The following NXF3 variants were observed in gnomAD, a reference collection of about 807,000 sequenced individuals.
The protein encoded by NXF3 is TAP-like protein 3.
A neutral mutation model predicts 48.4 loss-of-function variants in NXF3; 34 were observed. The observed-to-expected ratio is 0.70, with a 90% CI of 0.53 to 0.93. The LOEUF (loss-of-function observed/expected upper bound fraction) is 0.93, where lower values mean the gene tolerates loss of function less well. Ranked by LOEUF, NXF3 falls within the 40% of genes least tolerant of loss-of-function variation. NXF3 has a pLI of 0.00. For missense variants in NXF3, 359 were observed against 406.1 expected, an observed-to-expected ratio of 0.88 and a Z score of 1.00; for synonymous variants, 132 against 145.7, an observed-to-expected ratio of 0.91 and a Z score of 0.68.
At chrX:103,091,786 C>A (rs1450769983) in intron 1 of NXF3, among the ~76,000 whole-genome samples, 1 of 109,733 alleles carries the variant, frequency 9.1e-6, no homozygotes, top group Non-Finnish European at 1.9e-5. Flanking sequence ...GAGATCGAGA[C>A]CATCCTGGCT....
At position 103,079,236 on chromosome X, in the gene NXF3, C is replaced by T. The variant is rs751182875; in HGVS notation, c.1363G>A (p.Gly455Arg). The T allele has an allele frequency of 3.3e-6, 4 of 1,211,368 alleles. No individual in the cohort carries two copies. Among genetic ancestry groups the T allele is most frequent in the East Asian group, 3.0e-5 (1 of 33,803 alleles). The change falls in exon 16 of 20, where the codon GGG becomes AGG. Residue 455 changes from glycine to arginine, a missense_variant. Gly to Arg is a moderately radical substitution (Grantham distance 125). Transcript: ENST00000395065. ...AGACACTCACCTTCCTTGAACACCCCGTTGACAGAAAAGCAGAGCATCCAT... is the reference window on the plus strand; with the variant it reads ...AGACACTCACCTTCCTTGAACACCCTGTTGACAGAAAAGCAGAGCATCCAT... Reference protein sequence around the residue: ...TEWMLCFSVNGVFKEVEGQSQ... With the variant: ...TEWMLCFSVNRVFKEVEGQSQ...
chrX:103,082,944 C>A (rs1922052251), intron 7 of NXF3, 60 bp downstream of exon 7: 4 of 1,151,214 alleles, frequency 3.5e-6, no homozygotes, highest in Non-Finnish European at 4.7e-6. Flanking sequence ...AACCGTAAGT[C>A]TCCATCTCAC....
intron 1 of NXF3, among the ~76,000 whole-genome samples, chrX:103,091,452 T>C (rs998315070): frequency 2.7e-5 from 3 of 111,482 alleles, no homozygotes; most frequent in African/African-American, 6.5e-5. Flanking sequence ...AGCATTTACA[T>C]TCCATTAGGT....
intron 17 of NXF3, among the ~76,000 whole-genome samples, chrX:103,078,096 G>C (rs7053839): frequency 0.013 from 1,433 of 111,770 alleles, 31 homozygotes; most frequent in African/African-American, 0.045. Context: ...AGTGAGTATT[G>C]CATCAGGAAA....
chrX:103,079,934 C>G, intron 12 of NXF3, 64 bp from the exon 13 acceptor site: 1 of 1,190,799 alleles, frequency 8.4e-7, no homozygotes, highest in Non-Finnish European at 1.1e-6. Context: ...TCTTGAAAGT[C>G]TGACTGTAGG....
intron 16 of NXF3, among the ~76,000 whole-genome samples, chrX:103,079,019 C>T (rs1233005658): frequency 8.9e-6 from 1 of 112,320 alleles, no homozygotes; most frequent in East Asian, 2.8e-4. Flanking sequence ...GCTTAACGCA[C>T]GCCTGAGCTG....
At chrX:103,087,691 C>T (rs1922187074) in intron 1 of NXF3, 6 of 1,049,397 alleles carry the variant, frequency 5.7e-6, no homozygotes, top group Non-Finnish European at 8.0e-6. Flanking sequence ...CAATCTGTGG[C>T]AAGATGTTTC....
intron 1 of NXF3, chrX:103,087,766 C>G (rs1290328836): frequency 1.1e-6 from 1 of 939,885 alleles, no homozygotes. Context: ...TTAAATGTCT[C>G]TCGTGTAGTA....
At chrX:103,077,243 CT>C (rs34811257) in intron 18 of NXF3, among the ~76,000 whole-genome samples, 17,345 of 62,578 alleles carry the variant, frequency 0.28, 3,100 homozygotes, top group African/African-American at 0.53. Flanking sequence ...GCACTCACTT[CT>C]TTTTTTTTTT....
intron 1 of NXF3, among the ~76,000 whole-genome samples, chrX:103,089,867 CTA>C (rs944312923): frequency 8.2e-5 from 9 of 109,454 alleles, no homozygotes; most frequent in Non-Finnish European, 1.3e-4. Context: ...ATTTTTAGGA[CTA>C]TGTGGTAATT....
intron 5 of NXF3, 26 bp from the exon 6 acceptor site, chrX:103,083,299 G>A (rs1922063446): frequency 1.7e-6 from 2 of 1,191,929 alleles, no homozygotes; most frequent in Non-Finnish European, 1.1e-6. Flanking sequence ...GAGGGGCTGA[G>A]TAAACACTAG....
At position 103,077,743 on chromosome X, in the gene NXF3, C is replaced by G; in HGVS notation, c.1455G>C (p.Leu485=). ...CAAAGAGCTTGTCATTCACGATGCA[C>G]AGACTGGAGGAAAAATGGGCCATCA... The part of the protein sequence containing the change: ...FIATPGSSSS[L]CIVNDKLFVR... The change falls in exon 18 of 20, where the codon CTG becomes CTC. Residue 485 remains leucine, a synonymous_variant. Coordinates refer to ENST00000395065, the MANE Select transcript of NXF3 (RefSeq NM_022052.2). 7 of 1,210,400 alleles carry G rather than the reference C, an allele frequency of 5.8e-6. No individual in the cohort carries two copies. The highest frequency in any genetic ancestry group is 7.8e-6 in the Non-Finnish European group (7 of 894,721).
chrX:103,082,694 C>A (rs1922045736), intron 8 of NXF3, 66 bp downstream of exon 8: 13 of 901,407 alleles, frequency 1.4e-5, no homozygotes, highest in South Asian at 8.2e-5. Context: ...TATCTTAGAC[C>A]AATTAGCCTC....
Position 103,092,990 on chromosome X carries a change from A to C in NXF3, c.28+6T>G. On this transcript the variant is annotated splice_donor_region_variant and intron_variant, in intron 1 of 19. Coordinates refer to ENST00000395065, the MANE Select transcript of NXF3 (RefSeq NM_022052.2). ...TGAGACTCCAGCCTCATGCTGGCCA[A>C]CTCACCCGTAGTGTGTCCTGAAGGC... The C allele has an allele frequency of 8.3e-7, 1 of 1,208,737 alleles. No homozygotes were observed. The highest frequency in any genetic ancestry group is 1.1e-6 in the Non-Finnish European group (1 of 893,366).
At chrX:103,091,494 G>A (rs979446758) in intron 1 of NXF3, among the ~76,000 whole-genome samples, 3 of 110,215 alleles carry the variant, frequency 2.7e-5, no homozygotes, top group African/African-American at 9.9e-5. Context: ...GCAGGAGGAT[G>A]TGCGCTGGTT....
chrX:103,080,356 T>C, intron 10 of NXF3, 140 bp from the exon 11 acceptor site: 1 of 687,890 alleles, frequency 1.5e-6, no homozygotes, highest in Non-Finnish European at 2.2e-6. Context: ...AAGACTACAG[T>C]CGGGATTGCC....
At position 103,080,608 on chromosome X, in the gene NXF3, T is replaced by C. The variant is rs1292585191; in HGVS notation, c.895A>G (p.Ile299Val). ...AATAATTTGGGGAACAATTCCAGGA[T>C]GGAGCTGCCGAAAATCAAAACAAAA... ...FSDTSSNINS[I>V]LELFPKLLCL... is the part of the protein sequence containing the mutation. The change falls in exon 10 of 20, where the codon ATC becomes GTC. Residue 299 changes from isoleucine to valine, a missense_variant. By Grantham distance (29) the Ile-to-Val change is conservative. Transcript: ENST00000395065. 1.7e-6 allele frequency: 2 copies of C among 1,209,498 alleles called. No individual in the cohort carries two copies. Among genetic ancestry groups the C allele is most frequent in the Non-Finnish European group, 2.2e-6 (2 of 894,261 alleles).
chrX:103,079,912 G>A (rs1344951614), intron 12 of NXF3, 42 bp from the exon 13 acceptor site: 2 of 1,178,304 alleles, frequency 1.7e-6, no homozygotes, highest in Non-Finnish European at 2.3e-6. Context: ...TGTGGCCTGG[G>A]TGCCAAATGA....
At chrX:103,088,239 A>G (rs1922200298) in intron 1 of NXF3, 2 of 684,319 alleles carry the variant, frequency 2.9e-6, no homozygotes, top group Admixed American at 3.1e-5. Flanking sequence ...GGAGTAAAAA[A>G]TTAGATAACT....
Sources: allele counts gnomAD v4.1 joint callset (sites outside exome capture counted in the v4.1 genomes callset), GRCh38; gene constraint gnomAD v4.1.1; transcripts MANE v1.5; gene names NCBI Gene and HGNC (gene_info 2026-07-23, HGNC 2026-07-21).